The following PCDH17 variants were observed in gnomAD, a reference collection of about 807,000 sequenced individuals.
PCDH17 encodes protocadherin 17.
Under a neutral mutation model 67.7 loss-of-function variants are expected in PCDH17, and 21 were observed. That is an observed-to-expected ratio of 0.31 (90% confidence interval 0.22 to 0.45). The LOEUF (loss-of-function observed/expected upper bound fraction) is 0.45. Ranked by LOEUF, PCDH17 falls within the 20% of genes least tolerant of loss-of-function variation. The pLI, the probability that PCDH17 is intolerant of heterozygous loss-of-function variation, is 1.00. For missense variants in PCDH17, 1,471 were observed against 1,564.8 expected (o/e 0.94, Z 1.01); for synonymous variants, 701 against 656.7 (o/e 1.07, Z -1.03).
chr13:57,694,129 A>G (rs528814869), intron 3 of PCDH17, among the ~76,000 whole-genome samples: 1 of 151,328 alleles, frequency 6.6e-6, no homozygotes, highest in South Asian at 2.1e-4. Context: ...AAAGTTGAGT[A>G]TTGACTCAGT....
chr13:57,677,543 T>A (rs77722112), intron 3 of PCDH17, among the ~76,000 whole-genome samples: 1 of 151,780 alleles, frequency 6.6e-6, no homozygotes. Context: ...CAGAGGAGAA[T>A]GGACAGAGAC....
At position 57,634,023 on chromosome 13, in the gene PCDH17, T is replaced by C; in HGVS notation, c.1477T>C (p.Ser493Pro). Residue 493 changes from serine to proline, a missense_variant, in exon 1 of 4, where the codon TCT (serine) becomes CCT (proline). Coordinates refer to ENST00000377918, the MANE Select transcript of PCDH17 (RefSeq NM_001040429.3). This position sits in a 1 kb window ranked among gnomAD's most constrained non-coding sequence, Gnocchi z 7.8. ...CAACATCCCGGGAGAGTACCTGGGC[T>C]CTGTGCTCGCCCAGGATCCCGACCT... is the stretch of plus-strand genomic sequence containing the variant. ...ENNIPGEYLG[S>P]VLAQDPDLGQ... 1 of 1,613,438 alleles carries C rather than the reference T, an allele frequency of 6.2e-7. No homozygotes were observed. Among genetic ancestry groups the C allele is most frequent in the Non-Finnish European group, 8.5e-7 (1 of 1,180,010 alleles).
chr13:57,702,682 A>G (rs1239504469), intron 3 of PCDH17, among the ~76,000 whole-genome samples: 2 of 152,146 alleles, frequency 1.3e-5, no homozygotes, highest in East Asian at 1.9e-4. Context: ...CTTTGCCTCC[A>G]CTGTGCTCTC....
At chr13:57,686,649 A>C (rs2138055858) in intron 3 of PCDH17, among the ~76,000 whole-genome samples, 1 of 152,124 alleles carries the variant, frequency 6.6e-6, no homozygotes, top group East Asian at 1.9e-4. Flanking sequence ...GGAGAAACAA[A>C]GTCTGTGTAA....
intron 3 of PCDH17, among the ~76,000 whole-genome samples, chr13:57,716,618 T>C (rs1473808291): frequency 6.6e-6 from 1 of 151,950 alleles, no homozygotes; most frequent in Non-Finnish European, 1.5e-5. Context: ...TTCTGCTGCT[T>C]GACGTTCATA....
intron 1 of PCDH17, among the ~76,000 whole-genome samples, chr13:57,665,100 A>C (rs1216341803): frequency 6.6e-6 from 1 of 152,086 alleles, no homozygotes; most frequent in Non-Finnish European, 1.5e-5. Flanking sequence ...CCAATGCTTC[A>C]CTTCATCTTT....
In PCDH17 at chr13:57,632,584, C is replaced by T; in HGVS notation, c.38C>T (p.Ala13Val). The change falls in exon 1 of 4, where the codon GCC (alanine) becomes GTC (valine). Residue 13 changes from alanine to valine, a missense_variant. Physicochemically the swap from Ala to Val is moderately conservative, Grantham distance 64. This residue lies in a region of PCDH17 where 1,163 missense variants were observed against 1,230.0 expected (regional missense o/e 0.95). Transcript: ENST00000377918. Reference sequence around the variant, plus strand: ...ATCTGTTGCTGCTTTCTTCTATGGGCCCCTGCCCTCACTCTCAAGAACCTC... The same window carrying T: ...ATCTGTTGCTGCTTTCTTCTATGGGTCCCTGCCCTCACTCTCAAGAACCTC... ...LSICCCFLLWAPALTLKNLNY... is the reference protein window; with the variant it reads ...LSICCCFLLWVPALTLKNLNY... 2 of 1,613,834 alleles carry T rather than the reference C, an allele frequency of 1.2e-6. No homozygotes were observed. Among genetic ancestry groups the T allele is most frequent in the East Asian group, 2.2e-5 (1 of 44,854 alleles).
chr13:57,710,478 T>A (rs4265705), intron 3 of PCDH17, among the ~76,000 whole-genome samples: 32,049 of 151,782 alleles, frequency 0.21, 3,913 homozygotes, highest in East Asian at 0.53. Flanking sequence ...TCTCTAAGTA[T>A]GCTTTACATG....
At chr13:57,694,940 A>T (rs185748090) in intron 3 of PCDH17, among the ~76,000 whole-genome samples, 2 of 151,132 alleles carry the variant, frequency 1.3e-5, no homozygotes, top group Admixed American at 6.6e-5. Flanking sequence ...TAATTCCCTG[A>T]TGAGGAATAG....
At chr13:57,637,719 T>A (rs1954840891) in intron 1 of PCDH17, among the ~76,000 whole-genome samples, 1 of 152,026 alleles carries the variant, frequency 6.6e-6, no homozygotes, top group African/African-American at 2.4e-5. Context: ...ATTGATGGAA[T>A]GAAAAGAATT....
intron 3 of PCDH17, among the ~76,000 whole-genome samples, chr13:57,723,307 C>T (rs932641946): frequency 6.6e-5 from 10 of 151,966 alleles, no homozygotes; most frequent in African/African-American, 2.4e-4. Flanking sequence ...TATCTTAAAA[C>T]CTTTTGAGAT....
intron 1 of PCDH17, among the ~76,000 whole-genome samples, chr13:57,638,030 T>A (rs1345399183): frequency 6.6e-6 from 1 of 152,010 alleles, no homozygotes; most frequent in Non-Finnish European, 1.5e-5. Flanking sequence ...GTATAAAGTG[T>A]TTAAACAATA....
rs183391939 is a variant in PCDH17 at position 57,664,081 on chromosome 13, T to C, written c.2566-2387T>C. ...ACACCTGGCTAATTTTATTACTATTTTTATCAAGATGGGGTCTCAATACAT... is the reference window on the plus strand; with the variant it reads ...ACACCTGGCTAATTTTATTACTATTCTTATCAAGATGGGGTCTCAATACAT... On this transcript the variant is annotated intron_variant, in intron 1 of 3. Transcript: ENST00000377918. 7.2e-4 allele frequency among the ~76,000 whole-genome samples: 110 copies of C among 152,126 alleles called. 1 individual carries two copies. The highest frequency in any genetic ancestry group is 2.5e-3 in the African/African-American group (102 of 41,502).
chr13:57,673,323 C>T (rs953885368), intron 3 of PCDH17, among the ~76,000 whole-genome samples: 9 of 151,948 alleles, frequency 5.9e-5, no homozygotes, highest in Non-Finnish European at 1.2e-4. Context: ...CTTTAAGGCC[C>T]AGGAAAGGCC....
Position 57,632,229 on chromosome 13 carries a change from G to T in PCDH17, c.-318G>T, listed in dbSNP as rs2137965159. On this transcript the variant is annotated 5_prime_UTR_variant, in exon 1 of 4. Coordinates refer to ENST00000377918, the MANE Select transcript of PCDH17 (RefSeq NM_001040429.3). The stretch of plus-strand genomic sequence containing the variant: ...CTCATCGCTCAAGTTTGAGCCTCCC[G>T]AAGTCCGGGCGGGAGAGACGAAACC... 2.4e-6 allele frequency: 1 copy of T among 408,504 alleles called. No homozygotes were observed. The highest frequency in any genetic ancestry group is 4.4e-6 in the Non-Finnish European group (1 of 226,476). The allele number at this position is 408,504 out of a possible 1,614,324, so 25.3% of individuals were successfully genotyped here.
At chr13:57,655,539 C>T (rs775379175) in intron 1 of PCDH17, among the ~76,000 whole-genome samples, 1 of 151,794 alleles carries the variant, frequency 6.6e-6, no homozygotes, top group Non-Finnish European at 1.5e-5. Context: ...TATTAAATTT[C>T]TTTTGCATTT....
chr13:57,676,437 A>G (rs1955391982), intron 3 of PCDH17, among the ~76,000 whole-genome samples: 1 of 151,834 alleles, frequency 6.6e-6, no homozygotes, highest in African/African-American at 2.4e-5. Context: ...AGATTTAGAC[A>G]TGTTAGAAAT....
chr13:57,665,556 G>A (rs1460716100), intron 1 of PCDH17, among the ~76,000 whole-genome samples: 3 of 152,072 alleles, frequency 2.0e-5, no homozygotes, highest in African/African-American at 4.8e-5. Context: ...GTATAATGCC[G>A]TGATATGAAG....
intron 1 of PCDH17, among the ~76,000 whole-genome samples, chr13:57,640,627 G>A (rs988649920): frequency 2.0e-5 from 3 of 151,982 alleles, no homozygotes; most frequent in Non-Finnish European, 2.9e-5. Flanking sequence ...GACTTAACAC[G>A]TGGCCTTCAG....
Sources: allele counts gnomAD v4.1 joint callset (sites outside exome capture counted in the v4.1 genomes callset), GRCh38; gene constraint gnomAD v4.1.1; regional missense constraint gnomAD v4.1.1; non-coding constraint Gnocchi (gnomAD v3.1); transcripts MANE v1.5; gene names NCBI Gene and HGNC (gene_info 2026-07-23, HGNC 2026-07-21).